Variants in TMEM108 observed in about 807,000 individuals in gnomAD.
The protein encoded by TMEM108 is cancer/testis antigen 124.
Under a neutral mutation model 35.1 loss-of-function variants are expected in TMEM108, and 12 were observed. The observed-to-expected ratio is 0.34, with a 90% CI of 0.22 to 0.55. The LOEUF is 0.55. TMEM108 is among the 20% of genes least tolerant of loss of function. The pLI is 0.89. For missense variants in TMEM108, 680 were observed against 753.3 expected (o/e 0.90, Z 1.14); for synonymous variants, 287 against 308.6 (o/e 0.93, Z 0.73).
At chr3:133,340,683 T>G (rs1342617045) in intron 3 of TMEM108, among the ~76,000 whole-genome samples, 1 of 151,828 alleles carries the variant, frequency 6.6e-6, no homozygotes, top group Non-Finnish European at 1.5e-5. Flanking sequence ...AATAGAATAT[T>G]AGCAAACTGA....
Position 133,281,656 on chromosome 3 carries a change from C to T in TMEM108, c.40+52305C>T, listed in dbSNP as rs186985228. Among the ~76,000 whole-genome samples, 39 of 152,292 alleles carry T rather than the reference C, an allele frequency of 2.6e-4. No homozygotes were observed. The East Asian group carries it at 6.8e-3, about 26-fold the overall frequency. On this transcript the variant is annotated intron_variant, in intron 3 of 5. Coordinates refer to ENST00000321871, the MANE Select transcript of TMEM108 (RefSeq NM_023943.4). ...TAATGAGGCATGCTACAGTGAGCAGCGGAGGGCTGGTTCAGGGTAGCATTT... is the reference window on the plus strand; with the variant it reads ...TAATGAGGCATGCTACAGTGAGCAGTGGAGGGCTGGTTCAGGGTAGCATTT...
intron 2 of TMEM108, among the ~76,000 whole-genome samples, chr3:133,118,024 C>T (rs775894262): frequency 6.6e-6 from 1 of 152,102 alleles, no homozygotes; most frequent in African/African-American, 2.4e-5. Context: ...TCTGAGTACT[C>T]ATTCTATTAG....
chr3:133,133,561 C>A, intron 2 of TMEM108, among the ~76,000 whole-genome samples: 1 of 152,154 alleles, frequency 6.6e-6, no homozygotes, highest in East Asian at 1.9e-4. Flanking sequence ...CTGTGGTATG[C>A]CTGTAAGGAA....
At chr3:133,294,390 A>G (rs1947114721) in intron 3 of TMEM108, among the ~76,000 whole-genome samples, 1 of 152,196 alleles carries the variant, frequency 6.6e-6, no homozygotes, top group African/African-American at 2.4e-5. Flanking sequence ...AGCTAAAGAA[A>G]ACTATGAGAA....
At chr3:133,226,093 G>C (rs1041721140) in intron 2 of TMEM108, among the ~76,000 whole-genome samples, 2 of 152,236 alleles carry the variant, frequency 1.3e-5, no homozygotes, top group African/African-American at 4.8e-5. Context: ...TGTATTCAAA[G>C]ATTTTCTGGT....
chr3:133,371,013 TAGAA>T (rs1204162351), intron 3 of TMEM108, among the ~76,000 whole-genome samples: 1 of 151,850 alleles, frequency 6.6e-6, no homozygotes, highest in African/African-American at 2.4e-5. Context: ...CATGATGCTG[TAGAA>T]AGAGCCTGGC....
At chr3:133,062,422 G>C (rs9289436) in intron 2 of TMEM108, among the ~76,000 whole-genome samples, 26,185 of 152,172 alleles carry the variant, frequency 0.17, 2,836 homozygotes, top group Non-Finnish European at 0.23. Context: ...TGAGCCTGTG[G>C]TCTGAAGAAT....
chr3:133,348,471 T>C (rs2071888452), intron 3 of TMEM108, among the ~76,000 whole-genome samples: 1 of 152,120 alleles, frequency 6.6e-6, no homozygotes, highest in Admixed American at 6.6e-5. Flanking sequence ...GCATTTAGTG[T>C]TGAGTGCACT....
chr3:133,216,266 G>GT (rs1178148418), intron 2 of TMEM108, among the ~76,000 whole-genome samples: 36 of 152,048 alleles, frequency 2.4e-4, no homozygotes, highest in African/African-American at 8.7e-4. Context: ...CTCAGTGCAA[G>GT]TGATATATGA....
intron 2 of TMEM108, among the ~76,000 whole-genome samples, chr3:133,101,284 G>A (rs897176898): frequency 5.3e-5 from 8 of 152,140 alleles, no homozygotes; most frequent in Non-Finnish European, 8.8e-5. Flanking sequence ...TGTATCAGGC[G>A]TTTTACTCTA....
At chr3:133,137,676 A>T (rs1308424140) in intron 2 of TMEM108, among the ~76,000 whole-genome samples, 2 of 152,202 alleles carry the variant, frequency 1.3e-5, no homozygotes, top group Non-Finnish European at 2.9e-5. Flanking sequence ...TCTCAGCAGC[A>T]AAGATGTCAG....
intron 2 of TMEM108, among the ~76,000 whole-genome samples, chr3:133,218,433 C>T (rs1040695006): frequency 4.0e-5 from 6 of 151,898 alleles, no homozygotes; most frequent in African/African-American, 1.5e-4. Flanking sequence ...GACTCTAGTA[C>T]TATATTGAAT....
chr3:133,142,527 C>T (rs1242303416), intron 2 of TMEM108, among the ~76,000 whole-genome samples: 2 of 152,164 alleles, frequency 1.3e-5, no homozygotes, highest in Non-Finnish European at 2.9e-5. Flanking sequence ...CAGGAGGCTG[C>T]ACCAGGCTGC....
chr3:133,119,082 C>A (rs2107732219), intron 2 of TMEM108: 1 of 152,206 alleles, frequency 6.6e-6, no homozygotes, highest in South Asian at 2.1e-4. Context: ...TCTCCGAGGC[C>A]CGATGATCGT....
intron 2 of TMEM108, among the ~76,000 whole-genome samples, chr3:133,157,701 C>G (rs571318319): frequency 6.6e-6 from 1 of 152,194 alleles, no homozygotes; most frequent in East Asian, 1.9e-4. Context: ...TAAAACAGAG[C>G]TACTTTATAT....
intron 2 of TMEM108, among the ~76,000 whole-genome samples, chr3:133,110,102 C>T (rs989881723): frequency 1.3e-5 from 2 of 152,086 alleles, no homozygotes; most frequent in African/African-American, 2.4e-5. Context: ...GTTTTTTTCT[C>T]TTCCCTCAGA....
chr3:133,323,034 C>T (rs192591220), intron 3 of TMEM108, among the ~76,000 whole-genome samples: 38 of 152,210 alleles, frequency 2.5e-4, no homozygotes, highest in African/African-American at 8.4e-4. Context: ...CCATCTATGA[C>T]AAACCCACAG....
intron 3 of TMEM108, among the ~76,000 whole-genome samples, chr3:133,290,149 G>T (rs1947042629): frequency 6.6e-6 from 1 of 152,164 alleles, no homozygotes; most frequent in Admixed American, 6.5e-5. Context: ...CAGGCTAGGG[G>T]ATAGGAAATG....
chr3:133,335,967 A>ACTGGG (rs553358588), intron 3 of TMEM108, among the ~76,000 whole-genome samples: 113 of 152,294 alleles, frequency 7.4e-4, no homozygotes, highest in African/African-American at 2.5e-3. Flanking sequence ...AGAAAGCAAA[A>ACTGGG]CTGGGCTGAA....
Sources: gnomAD v4.1 joint callset for allele counts (sites outside exome capture counted in the v4.1 genomes callset) on GRCh38, gnomAD v4.1.1 for gene constraint, MANE v1.5 for transcripts, NCBI Gene and HGNC (gene_info 2026-07-23, HGNC 2026-07-21) for gene names.